The following UNC79 variants were observed in gnomAD, a reference collection of about 807,000 sequenced individuals.
The protein encoded by UNC79 is protein unc-79 homolog.
UNC79 carries 37 observed loss-of-function variants against 283.1 expected under a neutral mutation model. That is an observed-to-expected ratio of 0.13 (90% CI 0.10 to 0.17). The LOEUF is 0.17. UNC79 is among the 10% of genes least tolerant of loss of function. UNC79 has a pLI of 1.00. For synonymous variants in UNC79, 1,107 were observed against 1,200.2 expected (o/e 0.92, Z 1.61); for missense variants, 2,272 against 3,211.1 (o/e 0.71, Z 7.07).
chr14:93,347,944 GTTTT>G lies in UNC79; in HGVS notation c.-351+14426_-351+14429del, dbSNP rs758579578. 5 of 823,040 alleles carry G rather than the reference GTTTT, an allele frequency of 6.1e-6. No homozygotes were observed. In the East Asian group the frequency reaches 1.2e-4, roughly 20 times the overall value. 51.0% of individuals were successfully genotyped at this position (823,040 alleles called of 1,614,324 possible). A position where few individuals can be genotyped will look rare whatever the true frequency, so the allele number is the denominator to read the frequency against. The stretch of plus-strand genomic sequence containing the variant: ...GGACAACGGTCTAGGTGCTCAAAAT[GTTTT>G]TTTTAAGCACTTTTTGTTAGGCAGC... On this transcript the variant is annotated intron_variant, in intron 1 of 49. Coordinates refer to the UNC79 transcript ENST00000256339.
chr14:93,575,142 G>A (rs147507350), exon 17 of UNC79: 1 of 1,613,950 alleles, frequency 6.2e-7, no homozygotes, highest in Non-Finnish European at 8.5e-7. Flanking sequence ...CAAAGAGCTG[G>A]CAAATCAAAG....
intron 20 of UNC79, among the ~76,000 whole-genome samples, chr14:93,585,360 C>T (rs1257379576): frequency 6.6e-6 from 1 of 152,214 alleles, no homozygotes; most frequent in East Asian, 1.9e-4. Context: ...GCTCTGTCGA[C>T]ACGTGTTCAG....
At chr14:93,359,118 ATGT>A (rs1555399052) in intron 1 of UNC79, among the ~76,000 whole-genome samples, 3 of 152,166 alleles carry the variant, frequency 2.0e-5, no homozygotes, top group African/African-American at 4.8e-5. Flanking sequence ...TCTGCATTTA[ATGT>A]TGTAGCTTGG....
chr14:93,492,221 T>C (rs2058761436), intron 5 of UNC79, among the ~76,000 whole-genome samples: 1 of 152,222 alleles, frequency 6.6e-6, no homozygotes, highest in Non-Finnish European at 1.5e-5. Flanking sequence ...AACAATGTAA[T>C]GTAGTACATA....
At chr14:93,640,214 T>A (rs2068895777) in intron 32 of UNC79, among the ~76,000 whole-genome samples, 1 of 152,190 alleles carries the variant, frequency 6.6e-6, no homozygotes. Flanking sequence ...TGCCTCAGAT[T>A]TCTTTGAAGA....
rs1567056599 is a variant in UNC79 at position 93,529,272 on chromosome 14, GT to G, written c.1053-7del. 1 of 1,612,540 alleles carries G rather than the reference GT, an allele frequency of 6.2e-7. No individual in the cohort carries two copies. The highest frequency in any genetic ancestry group is 8.5e-7 in the Non-Finnish European group (1 of 1,179,496). ...TCAATGAAGCTCAAAAATGAATTTT[GT>G]TTTTTTCAATAGGGACCACAGTGAG... is the stretch of plus-strand genomic sequence containing the variant. On this transcript the variant is annotated splice_polypyrimidine_tract_variant and intron_variant, in intron 9 of 48. Coordinates refer to ENST00000555664, the Ensembl canonical transcript of UNC79.
At chr14:93,333,250 G>C (rs970901850) in exon 1 of UNC79, 6 of 402,170 alleles carry the variant, frequency 1.5e-5, no homozygotes, top group Non-Finnish European at 2.6e-5. Flanking sequence ...GCCGGGCGTC[G>C]GGTCGCTGGG....
intron 1 of UNC79, among the ~76,000 whole-genome samples, chr14:93,464,800 G>T (rs950512163): frequency 6.6e-6 from 1 of 152,140 alleles, no homozygotes; most frequent in Non-Finnish European, 1.5e-5. Flanking sequence ...GTAAAGAGGA[G>T]CCCTGCTTTG....
intron 20 of UNC79, among the ~76,000 whole-genome samples, chr14:93,584,841 C>T (rs1347337668): frequency 6.6e-6 from 1 of 151,470 alleles, no homozygotes; most frequent in Admixed American, 6.6e-5. Context: ...GGACTACAGG[C>T]ACCCACCACC....
At chr14:93,487,825 C>A in intron 5 of UNC79, 70 bp downstream of exon 5, 2 of 1,427,248 alleles carry the variant, frequency 1.4e-6, no homozygotes, top group South Asian at 1.3e-5. Flanking sequence ...AACAAGCAGG[C>A]TAGATGTTCT....
rs994767021 is a variant in UNC79, at chr14:93,385,038, T to A, written c.-351+51515T>A. Among the ~76,000 whole-genome samples the A allele has an allele frequency of 5.9e-5, 9 of 152,394 alleles. No homozygotes were observed. In the South Asian group the frequency reaches 1.9e-3, roughly 32 times the overall value. ...GGTTCTCTCTTCTATTCCACTGGTC[T>A]ACATGTCTCTTTTTATGCCAGTACC... is the stretch of plus-strand genomic sequence containing the variant. On this transcript the variant is annotated intron_variant, in intron 1 of 49. Transcript: ENST00000256339.
At chr14:93,681,983 C>A (rs932214500) in intron 41 of UNC79, among the ~76,000 whole-genome samples, 2 of 152,182 alleles carry the variant, frequency 1.3e-5, no homozygotes, top group African/African-American at 4.8e-5. Context: ...GTGCATCAAG[C>A]CTGTGCTCTT....
chr14:93,659,957 A>G (rs1165899342), intron 39 of UNC79, among the ~76,000 whole-genome samples: 1 of 152,124 alleles, frequency 6.6e-6, no homozygotes, highest in East Asian at 1.9e-4. Context: ...TTTTTCCTGT[A>G]TCAGCTTCCA....
At chr14:93,506,320 G>A (rs2059538797) in intron 7 of UNC79, among the ~76,000 whole-genome samples, 2 of 151,622 alleles carry the variant, frequency 1.3e-5, no homozygotes, top group Admixed American at 6.6e-5. Context: ...CCTCCTGGGT[G>A]CAAGCAATTC....
intron 20 of UNC79, among the ~76,000 whole-genome samples, chr14:93,584,572 A>G (rs2064075352): frequency 6.6e-6 from 1 of 152,240 alleles, no homozygotes; most frequent in Non-Finnish European, 1.5e-5. Flanking sequence ...TCATGATCCA[A>G]TAGCCTGTAC....
At chr14:93,618,762 G>A (rs2066915272) in intron 29 of UNC79, among the ~76,000 whole-genome samples, 1 of 152,156 alleles carries the variant, frequency 6.6e-6, no homozygotes, top group African/African-American at 2.4e-5. Flanking sequence ...TGGAGTCTAA[G>A]TTTGCTGAAG....
At chr14:93,583,593 T>C (rs1453547929) in intron 20 of UNC79, among the ~76,000 whole-genome samples, 1 of 151,186 alleles carries the variant, frequency 6.6e-6, no homozygotes, top group African/African-American at 2.5e-5. Context: ...TCATAAACTT[T>C]AGAATTTGAA....
chr14:93,372,306 C>T (rs1362732444), intron 1 of UNC79, among the ~76,000 whole-genome samples: 1 of 152,100 alleles, frequency 6.6e-6, no homozygotes, highest in East Asian at 1.9e-4. Context: ...CATACAGTAA[C>T]AAACACTAAA....
chr14:93,548,474 C>T (rs938228125), intron 14 of UNC79, among the ~76,000 whole-genome samples: 1 of 152,146 alleles, frequency 6.6e-6, no homozygotes, highest in African/African-American at 2.4e-5. Context: ...AAACCTTTTA[C>T]AACCTCTTAT....
Sources: allele counts gnomAD v4.1 joint callset (sites outside exome capture counted in the v4.1 genomes callset), GRCh38; gene constraint gnomAD v4.1.1; transcripts MANE v1.5; gene names NCBI Gene and HGNC (gene_info 2026-07-23, HGNC 2026-07-21).